Variants in LAMA5 observed in about 807,000 individuals in gnomAD.
LAMA5 encodes laminin subunit alpha-5.
LAMA5 carries 260 observed loss-of-function variants against 433.4 expected under a neutral mutation model. That is an observed-to-expected ratio of 0.60 (90% CI 0.54 to 0.66). The LOEUF is 0.66. Among genes scored for constraint, LAMA5 ranks in the 30% least tolerant of loss-of-function variants. The pLI is 0.00. For synonymous variants in LAMA5, 2,620 were observed against 2,226.6 expected, an observed-to-expected ratio of 1.18 and a Z score of -4.97; for missense variants, 5,378 against 5,258.5, an observed-to-expected ratio of 1.02 and a Z score of -0.70.
chr20:62,366,998 T>A lies in LAMA5; in HGVS notation c.248A>T (p.Lys83Met). ...GCCGGCCACGGGGCCCCCTACCAGCTTGCAGTAAAGGTCCTCGGTGGGGCG... is the reference window on the plus strand; with the variant it reads ...GCCGGCCACGGGGCCCCCTACCAGCATGCAGTAAAGGTCCTCGGTGGGGCG... ...SPRPTEDLYC[K>M]LVGGPVAGGD... Residue 83 changes from lysine to methionine, a missense_variant, in exon 1 of 80, where the codon AAG becomes ATG. Physicochemically the swap from Lys to Met is moderately conservative, Grantham distance 95 (BLOSUM62 -1). Coordinates refer to ENST00000252999, the MANE Select transcript of LAMA5 (RefSeq NM_005560.6). 1 of 1,280,098 alleles carries A rather than the reference T, an allele frequency of 7.8e-7. No homozygotes were observed. The highest frequency in any genetic ancestry group is 9.9e-7 in the Non-Finnish European group (1 of 1,014,110). 79.3% of individuals were successfully genotyped at this position (1,280,098 alleles called of 1,614,324 possible).
chr20:62,337,969 C>T (rs374864868), intron 14 of LAMA5, 31 bp from the exon 15 acceptor site: 90 of 1,596,830 alleles, frequency 5.6e-5, no homozygotes, highest in Non-Finnish European at 6.4e-5. Flanking sequence ...CAGGCCCTGG[C>T]GCCATGTGGG....
chr20:62,319,415 G>C (rs950000455), intron 51 of LAMA5, among the ~76,000 whole-genome samples: 9 of 152,158 alleles, frequency 5.9e-5, no homozygotes, highest in African/African-American at 2.2e-4. Flanking sequence ...TGTGCACTAC[G>C]GGATATCTGT....
Position 62,324,288 on chromosome 20 carries a change from A to T in LAMA5, c.5644-84T>A. 6.5e-7 allele frequency: 1 copy of T among 1,533,458 alleles called. No individual in the cohort carries two copies. Among genetic ancestry groups the T allele is most frequent in the Non-Finnish European group, 8.8e-7 (1 of 1,137,024 alleles). 95.0% of individuals were successfully genotyped at this position (1,533,458 alleles called of 1,614,324 possible). On this transcript the variant is annotated intron_variant, in intron 42 of 79. Coordinates refer to ENST00000252999, the MANE Select transcript of LAMA5 (RefSeq NM_005560.6). This position sits in a 1 kb window ranked among gnomAD's most constrained non-coding sequence, Gnocchi z 4.4. ...GTGCAGCTCCCACCACCCCTGCCTC[A>T]GACTCTGTGCCCAAGGCCAGATGGT...
chr20:62,313,772 T>C lies in LAMA5; in HGVS notation c.8535A>G (p.Thr2845=). The C allele has an allele frequency of 1.2e-6, 2 of 1,612,814 alleles. No homozygotes were observed. The highest frequency in any genetic ancestry group is 2.2e-5 in the East Asian group (1 of 44,862). The change falls in exon 63 of 80, where the codon ACA becomes ACG. Residue 2845 remains threonine, a synonymous_variant. Transcript: ENST00000252999. The part of the protein sequence containing the change: ...RTLQFGHMSV[T]VERQMIQETK... ...TTTCCTGGATCATCTGTCTCTCCAC[T>C]GTGACGGACATGTGGCCAAACTGGA...
chr20:62,353,617 A>T (rs1472830265), intron 2 of LAMA5, among the ~76,000 whole-genome samples: 1 of 152,120 alleles, frequency 6.6e-6, no homozygotes, highest in African/African-American at 2.4e-5. Flanking sequence ...CCAGGCAGGG[A>T]CTGGCCAGGG....
chr20:62,351,344 G>A (rs1984258185), intron 6 of LAMA5: 1 of 396,690 alleles, frequency 2.5e-6, no homozygotes, highest in Non-Finnish European at 4.7e-6. Flanking sequence ...CTTGGAGTCG[G>A]GGATCAATCA....
At chr20:62,319,121 G>C (rs1188965848) in intron 51 of LAMA5, 108 bp from the exon 52 acceptor site, 10 of 1,251,134 alleles carry the variant, frequency 8.0e-6, no homozygotes, top group African/African-American at 3.0e-5. Flanking sequence ...GCAGGCCAGG[G>C]GCCCGGAACC....
In LAMA5 at chr20:62,311,451, C is replaced by G. The variant is rs376319946; in HGVS notation, c.9892G>C (p.Ala3298Pro). The change falls in exon 72 of 80, where the codon GCC (alanine) becomes CCC (proline). Residue 3298 changes from alanine to proline, a missense_variant. Transcript: ENST00000252999. ...CTAGGCCCCAGGCCCGGGGTCTGGG[C>G]TTGCAGGGCGGGTGCACAGCCCGTG... is the stretch of plus-strand genomic sequence containing the variant. ...VSTGCAPALQ[A>P]QTPGLGPRGL... The G allele has an allele frequency of 1.2e-6, 2 of 1,604,332 alleles. No homozygotes were observed. Among genetic ancestry groups the G allele is most frequent in the Non-Finnish European group, 1.7e-6 (2 of 1,175,864 alleles).
chr20:62,335,848 A>AC lies in LAMA5; in HGVS notation c.2323+491dup, dbSNP rs1388356823. Among the ~76,000 whole-genome samples the AC allele has an allele frequency of 6.7e-4, 50 of 74,980 alleles. 1 individual carries two copies. The highest frequency in any genetic ancestry group is 2.4e-3 in the Admixed American group (16 of 6,638). The allele number at this position is 74,980 out of a possible 152,430, so 49.2% of individuals were successfully genotyped here. ...CCAGGACACCCTCATGGACTCCAGT[A>AC]CCCCCCCAGGAACCCCTGCACCCCA... On this transcript the variant is annotated intron_variant, in intron 18 of 79. Coordinates refer to ENST00000252999, the MANE Select transcript of LAMA5 (RefSeq NM_005560.6).
At chr20:62,366,856 C>T in intron 1 of LAMA5, 93 bp downstream of exon 1, 2 of 1,226,434 alleles carry the variant, frequency 1.6e-6, no homozygotes, top group Non-Finnish European at 2.0e-6. Context: ...CACCTGGACT[C>T]GCCCCGGGCC....
intron 55 of LAMA5, 77 bp downstream of exon 55, chr20:62,317,268 C>A: frequency 7.0e-7 from 1 of 1,422,494 alleles, no homozygotes; most frequent in South Asian, 1.4e-5. Context: ...GGAGCCTTCC[C>A]AGACCAGCTG....
chr20:62,322,620 G>GGGGGCCC, intron 46 of LAMA5, 38 bp downstream of exon 46: 7 of 1,398,996 alleles, frequency 5.0e-6, no homozygotes, highest in Non-Finnish European at 6.8e-6. Context: ...TAGTCCCTAG[G>GGGGGCCC]CCCCACCCAC....
At chr20:62,360,104 A>G (rs1290887399) in intron 2 of LAMA5, among the ~76,000 whole-genome samples, 2 of 147,386 alleles carry the variant, frequency 1.4e-5, no homozygotes, top group African/African-American at 2.5e-5. Context: ...ACATTTCCCC[A>G]CCCCACTCCA....
At chr20:62,346,450 C>T in intron 9 of LAMA5, 56 bp downstream of exon 9, 3 of 1,509,576 alleles carry the variant, frequency 2.0e-6, no homozygotes, top group South Asian at 2.4e-5. Flanking sequence ...CCCAAGAACA[C>T]CTCTTTCCAG....
Position 62,311,447 on chromosome 20 carries a change from T to C in LAMA5, c.9896A>G (p.Gln3299Arg). 4 of 1,603,154 alleles carry C rather than the reference T, an allele frequency of 2.5e-6. No individual in the cohort carries two copies. The highest frequency in any genetic ancestry group is 3.4e-6 in the Non-Finnish European group (4 of 1,175,288). ...TCCTCTAGGCCCCAGGCCCGGGGTC[T>C]GGGCTTGCAGGGCGGGTGCACAGCC... is the stretch of plus-strand genomic sequence containing the variant. Reference protein sequence around the residue: ...STGCAPALQAQTPGLGPRGLQ... With the variant: ...STGCAPALQARTPGLGPRGLQ... Residue 3299 changes from glutamine (Q) to arginine (R), a missense_variant, in exon 72 of 80, where the codon CAG becomes CGG. Physicochemically the swap from Gln to Arg is conservative, Grantham distance 43. Coordinates refer to ENST00000252999, the MANE Select transcript of LAMA5 (RefSeq NM_005560.6).
At chr20:62,320,188 T>C (rs952632520) in intron 50 of LAMA5, among the ~76,000 whole-genome samples, 2 of 151,348 alleles carry the variant, frequency 1.3e-5, no homozygotes, top group African/African-American at 2.4e-5. Context: ...CGTGGTGGCG[T>C]GTGCCTGTAA....
rs1226784785 is a variant in LAMA5, at chr20:62,312,643, C to T, written c.9216G>A (p.Gln3072=). ...CGCACAGTGCTTACCTCGGGGGCAG[C>T]TGGTCGGGCGGCACGCCCCCCAGGT... ...AYYLGGVPPD[Q]LPPSLRRLFP... is the part of the protein sequence containing the mutation. The change falls in exon 67 of 80, where the codon CAG becomes CAA. Residue 3072 remains glutamine (Q), a synonymous_variant. Transcript: ENST00000252999. 3.7e-6 allele frequency: 6 copies of T among 1,606,532 alleles called. No homozygotes were observed. In the African/African-American group the frequency reaches 5.3e-5, roughly 14 times the overall value.
rs1568896065 is a variant in LAMA5 at position 62,313,218 on chromosome 20, T to C, written c.8825A>G (p.Asp2942Gly). The C allele has an allele frequency of 6.6e-7, 1 of 1,526,420 alleles. No individual in the cohort carries two copies. The highest frequency in any genetic ancestry group is 8.8e-7 in the Non-Finnish European group (1 of 1,140,196). The allele number at this position is 1,526,420 out of a possible 1,614,324, so 94.6% of individuals were successfully genotyped here. A position where few individuals can be genotyped will look rare whatever the true frequency, so the allele number is the denominator to read the frequency against. ...SKSTGDPWLTDGSYLDGTGFA... is the reference protein window; with the variant it reads ...SKSTGDPWLTGGSYLDGTGFA... ...GCCGGTGCCGTCCAGGTAGGAGCCG[T>C]CCGTGAGCCACGGGTCCCCGGTCGA... The change falls in exon 65 of 80, where the codon GAC becomes GGC. Residue 2942 changes from aspartate to glycine, a missense_variant. Coordinates refer to ENST00000252999, the MANE Select transcript of LAMA5 (RefSeq NM_005560.6).
rs140745444 is a variant in LAMA5, at chr20:62,336,425, G to A, written c.2238C>T (p.Cys746=). 3.1e-5 allele frequency: 50 copies of A among 1,612,442 alleles called. No individual in the cohort carries two copies. In the African/African-American group the frequency reaches 5.5e-4, roughly 18 times the overall value. The change falls in exon 18 of 80, where the codon TGC becomes TGT. Residue 746 remains cysteine (C), a synonymous_variant. Transcript: ENST00000252999. ...ALPEAQVPCM[C]RAHVEGPSCD... ...AGCTCGGCCCCTCCACGTGAGCCCG[G>A]CACATACAGGGAACCTGTGCCTGGG...
Sources: gnomAD v4.1 joint callset for allele counts (sites outside exome capture counted in the v4.1 genomes callset) on GRCh38, gnomAD v4.1.1 for gene constraint, Gnocchi (gnomAD v3.1) non-coding constraint, MANE v1.5 for transcripts, NCBI Gene and HGNC (gene_info 2026-07-23, HGNC 2026-07-21) for gene names.